Variants in DYRK4 observed in about 807,000 individuals in gnomAD.
DYRK4 encodes the protein dual specificity tyrosine phosphorylation regulated kinase 4, also known as dual specificity tyrosine-phosphorylation-regulated kinase 4.
A neutral mutation model predicts 68.3 loss-of-function variants in DYRK4; 64 were observed. The observed-to-expected ratio is 0.94, with a 90% CI of 0.77 to 1.15. DYRK4 has a LOEUF of 1.15. Among genes scored for constraint, DYRK4 ranks in the 50% most tolerant of loss-of-function variants. The probability of loss-of-function intolerance (pLI) is 0.00; values close to 1 mark genes in which losing one functional copy is unlikely to be tolerated. For synonymous variants in DYRK4, 274 were observed against 289.9 expected (o/e 0.95, Z 0.56); for missense variants, 740 against 764.7 (o/e 0.97, Z 0.38).
chr12:4,566,050 C>T (rs1944673477), intron 1 of DYRK4, among the ~76,000 whole-genome samples: 1 of 152,172 alleles, frequency 6.6e-6, no homozygotes, highest in Admixed American at 6.5e-5. Context: ...TTTACAAATC[C>T]CATGTCCAGT....
intron 2 of DYRK4, among the ~76,000 whole-genome samples, chr12:4,582,702 G>A (rs1047004196): frequency 8.5e-5 from 13 of 152,296 alleles, no homozygotes; most frequent in African/African-American, 2.9e-4. Flanking sequence ...TGACATGGCG[G>A]TGGGGTGGGT....
At chr12:4,562,760 T>C (rs7298545) in intron 1 of DYRK4, among the ~76,000 whole-genome samples, 53,550 of 152,198 alleles carry the variant, frequency 0.35, 10,574 homozygotes, top group African/African-American at 0.55. Context: ...ACCCAGCCCA[T>C]ATGCCCGGGC....
intron 2 of DYRK4, among the ~76,000 whole-genome samples, chr12:4,586,760 T>G (rs1249991395): frequency 1.3e-5 from 2 of 149,206 alleles, no homozygotes; most frequent in Admixed American, 6.6e-5. Flanking sequence ...CTTTGCTCTG[T>G]CAGCTAAGCT....
intron 4 of DYRK4, chr12:4,590,872 A>G: frequency 2.2e-6 from 1 of 453,212 alleles, no homozygotes. Context: ...CCTTCTTAAG[A>G]GCAGCAGTGA....
At chr12:4,568,892 G>A (rs1238068811) in intron 2 of DYRK4, among the ~76,000 whole-genome samples, 2 of 152,184 alleles carry the variant, frequency 1.3e-5, no homozygotes, top group Non-Finnish European at 2.9e-5. Flanking sequence ...AGATCATATT[G>A]TTTGGGGTCT....
intron 10 of DYRK4, chr12:4,603,209 G>T: frequency 9.0e-7 from 1 of 1,110,222 alleles, no homozygotes; most frequent in South Asian, 1.3e-5. Context: ...ATCCTGCAAA[G>T]ATTTGTCAGG....
At chr12:4,606,293 G>GCTGGCTAT (rs149226177) in intron 11 of DYRK4, among the ~76,000 whole-genome samples, 26 of 151,148 alleles carry the variant, frequency 1.7e-4, no homozygotes, top group African/African-American at 5.8e-4. Context: ...TGGCTGGCTG[G>GCTGGCTAT]CTATCTATCT....
At chr12:4,575,322 T>TGTGTGTGTGTGTGTGTGTGTG (rs71061193) in intron 2 of DYRK4, among the ~76,000 whole-genome samples, 27 of 151,828 alleles carry the variant, frequency 1.8e-4, no homozygotes, top group South Asian at 4.2e-4. Context: ...TGTGTGTGTG[T>TGTGTGTGTGTGTGTGTGTGTG]TTTCGAAACG....
intron 13 of DYRK4, 62 bp downstream of exon 13, chr12:4,610,346 G>T (rs747582622): frequency 7.0e-7 from 1 of 1,426,114 alleles, no homozygotes; most frequent in Non-Finnish European, 9.3e-7. Flanking sequence ...TTTGACACAC[G>T]TTTGCTGGTG....
At chr12:4,583,966 G>A (rs528742680) in intron 2 of DYRK4, among the ~76,000 whole-genome samples, 2 of 152,324 alleles carry the variant, frequency 1.3e-5, no homozygotes, top group South Asian at 4.1e-4. Context: ...CCCAGCCAGT[G>A]GGACTGGTCT....
chr12:4,588,816 C>T, intron 2 of DYRK4, 121 bp from the exon 3 acceptor site: 1 of 862,814 alleles, frequency 1.2e-6, no homozygotes, highest in Non-Finnish European at 1.8e-6. Context: ...TGGCTCTTCC[C>T]AGCTAAGGAT....
intron 11 of DYRK4, 46 bp downstream of exon 11, chr12:4,605,132 G>C (rs967046404): frequency 6.4e-7 from 1 of 1,573,820 alleles, no homozygotes; most frequent in Non-Finnish European, 8.7e-7. Context: ...CCGTGGGCTT[G>C]GCCCTCAGAC....
At chr12:4,605,149 C>A in intron 11 of DYRK4, 63 bp downstream of exon 11, 2 of 1,460,412 alleles carry the variant, frequency 1.4e-6, no homozygotes, top group Admixed American at 1.9e-5. Flanking sequence ...AGACACGGGG[C>A]TGCACCAGAC....
chr12:4,600,766 T>C (rs958850733), intron 10 of DYRK4, among the ~76,000 whole-genome samples: 1 of 152,038 alleles, frequency 6.6e-6, no homozygotes, highest in Admixed American at 6.6e-5. Context: ...TCCCATACCC[T>C]GGAAGCTCTC....
intron 2 of DYRK4, among the ~76,000 whole-genome samples, chr12:4,582,989 G>C (rs1489931485): frequency 6.6e-6 from 1 of 152,214 alleles, no homozygotes; most frequent in Non-Finnish European, 1.5e-5. Flanking sequence ...ATGGAATGCG[G>C]AGAGGCAGGA....
intron 6 of DYRK4, among the ~76,000 whole-genome samples, chr12:4,594,163 A>G (rs1335946682): frequency 6.6e-6 from 1 of 152,190 alleles, no homozygotes; most frequent in African/African-American, 2.4e-5. Flanking sequence ...CTCATCTCAG[A>G]AAAGACAACC....
intron 8 of DYRK4, among the ~76,000 whole-genome samples, chr12:4,597,794 C>T (rs916204593): frequency 8.5e-5 from 13 of 152,050 alleles, no homozygotes; most frequent in African/African-American, 3.1e-4. Flanking sequence ...AATCCCAGCA[C>T]TTTGGGAGGC....
chr12:4,596,104 G>T, intron 6 of DYRK4, 45 bp from the exon 7 acceptor site: 1 of 1,601,430 alleles, frequency 6.2e-7, no homozygotes, highest in South Asian at 1.1e-5. Flanking sequence ...AGGAAGGCCT[G>T]GGAGCCCATG....
chr12:4,605,003 G>A lies in DYRK4; in HGVS notation c.1216G>A (p.Gly406Ser). ...CGTGGCCATTGACATGTGGAGCCTG[G>A]GCTGCATCACGGCGGAGTTGTACAC... ...YDVAIDMWSL[G>S]CITAELYTGY... The change falls in exon 11 of 15, where the codon GGC becomes AGC. Residue 406 changes from glycine to serine, a missense_variant. Coordinates refer to ENST00000543431, the MANE Select transcript of DYRK4 (RefSeq NM_001394779.1). The A allele has an allele frequency of 6.2e-7, 1 of 1,614,042 alleles. No individual in the cohort carries two copies. The highest frequency in any genetic ancestry group is 8.5e-7 in the Non-Finnish European group (1 of 1,179,942).
Sources: allele counts gnomAD v4.1 joint callset (sites outside exome capture counted in the v4.1 genomes callset), GRCh38; gene constraint gnomAD v4.1.1; transcripts MANE v1.5; gene names NCBI Gene and HGNC (gene_info 2026-07-23, HGNC 2026-07-21).